Variants in HIVEP1 observed in about 807,000 individuals in gnomAD.
The protein encoded by HIVEP1 is zinc finger protein 40.
HIVEP1 carries 36 observed loss-of-function variants against 180.0 expected under a neutral mutation model. The ratio of observed to expected loss-of-function variants is 0.20; its 90% CI spans 0.15 to 0.26. HIVEP1 has a LOEUF of 0.26. Among genes scored for constraint, HIVEP1 ranks in the 10% least tolerant of loss-of-function variants. HIVEP1 has a pLI of 1.00. For synonymous variants in HIVEP1, 1,239 were observed against 1,239.0 expected (o/e 1.00, Z 0.00); for missense variants, 3,143 against 3,268.7 (o/e 0.96, Z 0.94).
chr6:12,205,017 T>A, the HIVEP1 span, among the ~76,000 whole-genome samples: 1 of 152,094 alleles, frequency 6.6e-6, no homozygotes, highest in African/African-American at 2.4e-5. Flanking sequence ...AGAGAGCGCC[T>A]GTGTGTTCGG....
At chr6:12,053,091 T>A (rs1276510490) in intron 2 of HIVEP1, among the ~76,000 whole-genome samples, 1 of 152,202 alleles carries the variant, frequency 6.6e-6, no homozygotes, top group Non-Finnish European at 1.5e-5. Flanking sequence ...TCGGAAGACT[T>A]TCTGAGCAGC....
In HIVEP1 at chr6:12,114,280, C is replaced by G. The variant is rs185957469; in HGVS notation, c.95-5610C>G. Among the ~76,000 whole-genome samples, 14 of 152,336 alleles carry G rather than the reference C, an allele frequency of 9.2e-5. No homozygotes were observed. In the East Asian group the frequency reaches 2.3e-3, roughly 25 times the overall value. On this transcript the variant is annotated intron_variant, in intron 3 of 8. Coordinates refer to ENST00000379388, the MANE Select transcript of HIVEP1 (RefSeq NM_002114.4). ...AATGATGTCTTCCTAGTCCCAGTGA[C>G]CACCAAGCCCAGGGACCTCTTGTTA...
intron 2 of HIVEP1, among the ~76,000 whole-genome samples, chr6:12,018,617 G>T (rs1767993935): frequency 6.6e-6 from 1 of 152,238 alleles, no homozygotes; most frequent in African/African-American, 2.4e-5. Flanking sequence ...TGTCCCCATT[G>T]TAGGGGGCGC....
chr6:12,134,503 T>A (rs556681817), intron 6 of HIVEP1, among the ~76,000 whole-genome samples: 1 of 152,352 alleles, frequency 6.6e-6, no homozygotes, highest in East Asian at 1.9e-4. Context: ...ATATAGCTAT[T>A]TTCCATGTGC....
At chr6:12,024,396 G>T (rs556079028) in intron 2 of HIVEP1, among the ~76,000 whole-genome samples, 3 of 152,252 alleles carry the variant, frequency 2.0e-5, no homozygotes, top group South Asian at 4.1e-4. Context: ...TAACAAAACG[G>T]TTGGCTGCTG....
intron 7 of HIVEP1, among the ~76,000 whole-genome samples, chr6:12,159,282 C>A (rs1760257493): frequency 2.0e-5 from 3 of 152,060 alleles, no homozygotes; most frequent in Admixed American, 2.0e-4. Context: ...GACTTTACAG[C>A]AAGAGCAGCC....
At chr6:12,183,445 C>T in the HIVEP1 span, among the ~76,000 whole-genome samples, 3 of 152,190 alleles carry the variant, frequency 2.0e-5, no homozygotes, top group Admixed American at 2.0e-4. Flanking sequence ...GTCTGGGGTG[C>T]CAGCTACGTT....
At chr6:12,015,754 A>G in intron 2 of HIVEP1, 86 bp downstream of exon 2, 1 of 1,229,510 alleles carries the variant, frequency 8.1e-7, no homozygotes, top group Non-Finnish European at 1.2e-6. Context: ...GCCGTTTGTT[A>G]GATGTTGACC....
chr6:12,177,499 A>C, the HIVEP1 span, among the ~76,000 whole-genome samples: 2 of 152,212 alleles, frequency 1.3e-5, no homozygotes, highest in South Asian at 4.1e-4. Flanking sequence ...CCTAATGATA[A>C]TGTCAACCTC....
intron 2 of HIVEP1, among the ~76,000 whole-genome samples, chr6:12,047,872 A>G (rs941417396): frequency 6.6e-6 from 1 of 152,218 alleles, no homozygotes; most frequent in Non-Finnish European, 1.5e-5. Flanking sequence ...TGGTCAGGAA[A>G]GAATTTCAGA....
chr6:12,007,708 C>T (rs1363213806), upstream of HIVEP1: 1 of 152,038 alleles, frequency 6.6e-6, no homozygotes, highest in African/African-American at 2.4e-5. Flanking sequence ...GAATGCTGTA[C>T]TTCCACCACT....
At chr6:12,044,153 A>C (rs1432819051) in intron 2 of HIVEP1, among the ~76,000 whole-genome samples, 2 of 151,992 alleles carry the variant, frequency 1.3e-5, no homozygotes, top group African/African-American at 4.8e-5. Flanking sequence ...GCACGGCGCA[A>C]ATGGGTTTCT....
At chr6:12,207,742 A>AAATAATGATAATAATAAT in the HIVEP1 span, among the ~76,000 whole-genome samples, 1 of 138,176 alleles carries the variant, frequency 7.2e-6, no homozygotes, top group Non-Finnish European at 1.5e-5. Flanking sequence ...AGTCTCTACA[A>AAATAATGATAATAATAAT]AATAATAATA....
chr6:12,012,462 C>A lies in HIVEP1; in HGVS notation c.-208C>A, dbSNP rs902372246. On this transcript the variant is annotated 5_prime_UTR_variant, in exon 1 of 9. Transcript: ENST00000379388. ...GGGATCCCAGGCGCCGCCGCCGCCG[C>A]CGCGCGGGGGTCGCGGAGATCCCGA... 1 of 149,830 alleles carries A rather than the reference C, an allele frequency of 6.7e-6. No homozygotes were observed. The highest frequency in any genetic ancestry group is 2.4e-5 in the African/African-American group (1 of 41,104). The allele number at this position is 149,830 out of a possible 1,614,324, so 9.3% of individuals were successfully genotyped here.
chr6:12,186,114 T>A, the HIVEP1 span, among the ~76,000 whole-genome samples: 8 of 152,032 alleles, frequency 5.3e-5, no homozygotes, highest in African/African-American at 1.9e-4. Flanking sequence ...CAGTTATTTA[T>A]AATAGCCAAA....
intron 2 of HIVEP1, among the ~76,000 whole-genome samples, chr6:12,049,530 CG>C (rs759987179): frequency 1.3e-5 from 2 of 152,106 alleles, no homozygotes; most frequent in Non-Finnish European, 2.9e-5. Flanking sequence ...AATGACTATA[CG>C]ATATTAAAGT....
At chr6:12,142,398 C>T (rs1008743514) in intron 7 of HIVEP1, among the ~76,000 whole-genome samples, 1 of 152,128 alleles carries the variant, frequency 6.6e-6, no homozygotes, top group Middle Eastern at 3.4e-3. Flanking sequence ...TGTAGAGGGA[C>T]ATTTATAGCA....
chr6:12,100,832 T>C (rs1774073023), intron 3 of HIVEP1, among the ~76,000 whole-genome samples: 2 of 152,120 alleles, frequency 1.3e-5, no homozygotes, highest in Admixed American at 6.5e-5. Flanking sequence ...GAAATGCTCA[T>C]TGGAGCATTT....
chr6:12,161,967 G>A lies in HIVEP1; in HGVS notation c.6978+38G>A, dbSNP rs9462549. 1,898 of 1,545,734 alleles carry A rather than the reference G, an allele frequency of 1.2e-3. 11 individuals carry two copies. The highest frequency in any genetic ancestry group is 0.011 in the African/African-American group (776 of 72,608). On this transcript the variant is annotated intron_variant, in intron 8 of 8. Transcript: ENST00000379388. The stretch of plus-strand genomic sequence containing the variant: ...CAGTTGTTCTTTTATTTCTTTTTTC[G>A]TTTTAACCTATTAAATATGGAGAAC...
Sources: allele counts gnomAD v4.1 joint callset (sites outside exome capture counted in the v4.1 genomes callset), GRCh38; gene constraint gnomAD v4.1.1; transcripts MANE v1.5; gene names NCBI Gene and HGNC (gene_info 2026-07-23, HGNC 2026-07-21).